The following NDE1 variants were observed in gnomAD, a reference collection of about 807,000 sequenced individuals.
The protein encoded by NDE1 is nuclear distribution protein nudE homolog 1.
In NDE1, 28 loss-of-function variants were observed where a neutral mutation model predicts 43.4. The ratio of observed to expected loss-of-function variants is 0.65; its 90% confidence interval spans 0.48 to 0.89. The LOEUF (loss-of-function observed/expected upper bound fraction) is 0.89, where lower values mean the gene tolerates loss of function less well. NDE1 is among the 40% of genes least tolerant of loss of function. The pLI is 0.00. For missense variants in NDE1, 441 were observed against 434.1 expected, an observed-to-expected ratio of 1.02 and a Z score of -0.14; for synonymous variants, 184 against 172.0, an observed-to-expected ratio of 1.07 and a Z score of -0.55.
chr16:15,669,153 G>C (rs1457878456), intron 3 of NDE1, among the ~76,000 whole-genome samples: 1 of 150,298 alleles, frequency 6.7e-6, no homozygotes, highest in Non-Finnish European at 1.5e-5. Context: ...GCCTGCCTCA[G>C]CCTCCCAAAG....
rs767885449 is a variant in NDE1 at position 15,724,214 on chromosome 16, T to G, written c.971T>G (p.Leu324Trp). ...AGGTTGGACACGAGTTGCCGCTGGT[T>G]GTCCAAATCAACAACCAGGTCGTCC... ...DKGLDTSCRWLSKSTTRSSSS... is the reference protein window; with the variant it reads ...DKGLDTSCRWWSKSTTRSSSS... Residue 324 changes from leucine to tryptophan, a missense_variant, in exon 9 of 9, where the codon TTG becomes TGG. Transcript: ENST00000396354. The G allele has an allele frequency of 6.2e-7, 1 of 1,614,156 alleles. No homozygotes were observed. Among genetic ancestry groups the G allele is most frequent in the East Asian group, 2.2e-5 (1 of 44,884 alleles).
chr16:15,664,950 C>A, intron 2 of NDE1, 89 bp downstream of exon 2: 1 of 1,027,924 alleles, frequency 9.7e-7, no homozygotes, highest in Non-Finnish European at 1.5e-6. Flanking sequence ...GGTGGCTGTT[C>A]CTAGGCGTGA....
intron 8 of NDE1, chr16:15,718,601 G>A: frequency 8.9e-7 from 1 of 1,124,036 alleles, no homozygotes; most frequent in Non-Finnish European, 1.2e-6. Flanking sequence ...CAGCCAGGAA[G>A]TGGACAGCCG....
At chr16:15,714,654 C>T (rs982440763) in intron 8 of NDE1, 17 of 586,868 alleles carry the variant, frequency 2.9e-5, no homozygotes, top group Admixed American at 2.1e-4. Context: ...CCTCCTCAGC[C>T]GGAGGACCGG....
chr16:15,685,052 A>G lies in NDE1; in HGVS notation c.387-2323A>G, dbSNP rs187726968. On this transcript the variant is annotated intron_variant, in intron 4 of 8. Coordinates refer to ENST00000396354, the MANE Select transcript of NDE1 (RefSeq NM_017668.3). ...AGACAGTGTTAAATTTATCAGTTTAACTTGTGGAGAATTAATTTCTGCATG... is the reference window on the plus strand; with the variant it reads ...AGACAGTGTTAAATTTATCAGTTTAGCTTGTGGAGAATTAATTTCTGCATG... 3.3e-5 allele frequency among the ~76,000 whole-genome samples: 5 copies of G among 152,302 alleles called. No homozygotes were observed. The East Asian group carries it at 9.6e-4, about 29-fold the overall frequency.
upstream of NDE1, among the ~76,000 whole-genome samples, chr16:15,646,965 G>A (rs2036343174): frequency 1.3e-5 from 2 of 151,442 alleles, no homozygotes; most frequent in East Asian, 2.0e-4. Flanking sequence ...CAGGAGAATC[G>A]CTTGAACCCG....
chr16:15,694,508 G>A, intron 7 of NDE1: 2 of 1,202,594 alleles, frequency 1.7e-6, no homozygotes, highest in East Asian at 2.7e-5. Context: ...ACTATGCCTG[G>A]CTGATACTTT....
At chr16:15,703,952 T>C in intron 8 of NDE1, 1 of 1,613,690 alleles carries the variant, frequency 6.2e-7, no homozygotes, top group Non-Finnish European at 8.5e-7. Context: ...GTTTTGGTTT[T>C]TGGTTTTCTT....
intron 8 of NDE1, among the ~76,000 whole-genome samples, chr16:15,702,306 T>A (rs2039246036): frequency 6.6e-6 from 1 of 152,238 alleles, no homozygotes; most frequent in Non-Finnish European, 1.5e-5. Context: ...TGATTTATTA[T>A]GTTTTTAAGG....
intron 8 of NDE1, chr16:15,714,476 AATG>A: frequency 4.2e-6 from 1 of 240,438 alleles, no homozygotes; most frequent in Non-Finnish European, 8.2e-6. Context: ...ACCCGAGAAT[AATG>A]CAGCCCAGAT....
chr16:15,699,515 C>A, intron 8 of NDE1: 3 of 1,148,420 alleles, frequency 2.6e-6, no homozygotes, highest in South Asian at 1.7e-5. Context: ...ATGGATTTTT[C>A]TAGTGGGTCT....
chr16:15,667,794 G>C (rs2037393835), intron 3 of NDE1, among the ~76,000 whole-genome samples: 1 of 151,710 alleles, frequency 6.6e-6, no homozygotes, highest in Admixed American at 6.6e-5. Context: ...ACCACGCCTG[G>C]CTAATTTTTT....
intron 1 of NDE1, among the ~76,000 whole-genome samples, chr16:15,660,055 A>G (rs528301450): frequency 8.0e-4 from 122 of 152,202 alleles, no homozygotes; most frequent in Non-Finnish European, 3.8e-4. Flanking sequence ...CCTGGACACA[A>G]TCTTACTTGG....
intron 8 of NDE1, chr16:15,718,818 C>T (rs1227560846): frequency 7.3e-6 from 3 of 409,862 alleles, no homozygotes; most frequent in African/African-American, 4.0e-5. Flanking sequence ...GACGCTTCGT[C>T]AGCAGCAGCA....
chr16:15,699,885 T>C (rs762848116), intron 8 of NDE1: 4 of 1,289,824 alleles, frequency 3.1e-6, no homozygotes, highest in Non-Finnish European at 4.0e-6. Flanking sequence ...TGTCGTCTTT[T>C]TACACTAGGT....
intron 1 of NDE1, among the ~76,000 whole-genome samples, chr16:15,644,163 C>T (rs59003975): frequency 6.6e-6 from 1 of 152,334 alleles, no homozygotes; most frequent in African/African-American, 2.4e-5. Flanking sequence ...GATGTGCTAG[C>T]TGCTAGCTAA....
chr16:15,651,500 G>C (rs1304208446), intron 1 of NDE1: 1 of 149,986 alleles, frequency 6.7e-6, no homozygotes, highest in African/African-American at 2.5e-5. Flanking sequence ...GGAGTGCAGT[G>C]GTGCGATTTT....
At chr16:15,712,882 G>GTTTTTTTTTTTTTTTTTTGTTTTTT (rs59799809) in intron 8 of NDE1, 1 of 90,636 alleles carries the variant, frequency 1.1e-5, no homozygotes, top group African/African-American at 4.5e-5. Context: ...TTCACATACA[G>GTTTTTTTTTTTTTTTTTTGTTTTTT]TTTTTTTTTT....
chr16:15,692,360 C>T (rs1355330251), intron 6 of NDE1, among the ~76,000 whole-genome samples: 2 of 152,168 alleles, frequency 1.3e-5, no homozygotes, highest in African/African-American at 2.4e-5. Context: ...TTAGCTTGTC[C>T]CCTGGGCATG....
Sources: allele counts gnomAD v4.1 joint callset (sites outside exome capture counted in the v4.1 genomes callset), GRCh38; gene constraint gnomAD v4.1.1; transcripts MANE v1.5; gene names NCBI Gene and HGNC (gene_info 2026-07-23, HGNC 2026-07-21).